The following LENG1 variants were observed in gnomAD, a reference collection of about 807,000 sequenced individuals.
LENG1 encodes the protein leukocyte receptor cluster (LRC) member 1.
LENG1 carries 35 observed loss-of-function variants against 28.8 expected under a neutral mutation model. The observed-to-expected ratio is 1.22, with a 90% confidence interval of 0.93 to 1.61. LENG1 has a LOEUF of 1.61. Among genes scored for constraint, LENG1 ranks in the 40% most tolerant of loss-of-function variants. The probability of loss-of-function intolerance (pLI) is 0.00; values close to 1 mark genes in which losing one functional copy is unlikely to be tolerated. For synonymous variants in LENG1, 170 were observed against 140.6 expected, an observed-to-expected ratio of 1.21 and a Z score of -1.48; for missense variants, 404 against 348.9, an observed-to-expected ratio of 1.16 and a Z score of -1.26.
Position 54,159,697 on chromosome 19 carries a change from G to A in LENG1, c.-2C>T, listed in dbSNP as rs1424620830. 1.2e-5 allele frequency: 19 copies of A among 1,606,234 alleles called. No homozygotes were observed. The highest frequency in any genetic ancestry group is 1.7e-5 in the Admixed American group (1 of 59,342). On this transcript the variant is annotated 5_prime_UTR_variant, in exon 1 of 4. Coordinates refer to ENST00000222224, the MANE Select transcript of LENG1 (RefSeq NM_024316.3). ...GCTCTTCTTGGGCAAGATATTCATG[G>A]CGTCGTAGCTGTCCAGGGACTGGCA...
chr19:54,156,052 C>T (rs2075379450), intron 3 of LENG1, 112 bp from the exon 4 acceptor site: 2 of 929,646 alleles, frequency 2.2e-6, no homozygotes, highest in Non-Finnish European at 1.6e-6. Context: ...CCAGCACACC[C>T]CAGCCTCAGC....
At chr19:54,158,692 T>C (rs1347665834) in intron 1 of LENG1, among the ~76,000 whole-genome samples, 1 of 152,140 alleles carries the variant, frequency 6.6e-6, no homozygotes, top group Non-Finnish European at 1.5e-5. Context: ...TCATCAAGGA[T>C]GTATGGGAGG....
Position 54,156,955 on chromosome 19 carries a change from G to T in LENG1, c.383C>A (p.Pro128His). 2 of 1,610,640 alleles carry T rather than the reference G, an allele frequency of 1.2e-6. No homozygotes were observed. Among genetic ancestry groups the T allele is most frequent in the Non-Finnish European group, 1.7e-6 (2 of 1,177,888 alleles). ...CCCTGGGGGTAGCTGGTACCAAGGG[G>T]GTTGAGTCTGTGCCTCCGCTGCACT... ...GQSAAEAQTQPPWYQLPPGRG... is the reference protein window; with the variant it reads ...GQSAAEAQTQHPWYQLPPGRG... The change falls in exon 3 of 4, where the codon CCC (proline) becomes CAC (histidine). Residue 128 changes from proline (P) to histidine (H), a missense_variant. Physicochemically the swap from Pro to His is moderately conservative, Grantham distance 77 (BLOSUM62 -2). Transcript: ENST00000222224.
In LENG1 at chr19:54,156,823, C is replaced by T; in HGVS notation, c.515G>A (p.Gly172Asp). ...CTTTCTGCTGCGACTGCCTTCATCA[C>T]CGCCGTGCTGTCTCTTCTTCCCCAG... ...KHLGKKRQHG[G>D]DEGSRSRKEK... Residue 172 changes from glycine to aspartate, a missense_variant, in exon 3 of 4, where the codon GGT becomes GAT. Transcript: ENST00000222224. 6.2e-7 allele frequency: 1 copy of T among 1,614,116 alleles called. No individual in the cohort carries two copies.
intron 3 of LENG1, 33 bp downstream of exon 3, chr19:54,156,730 G>C: frequency 6.3e-7 from 1 of 1,579,122 alleles, no homozygotes; most frequent in Non-Finnish European, 8.6e-7. Flanking sequence ...CTGAAGGTCT[G>C]GGCCCTGGTC....
chr19:54,156,640 C>T (rs1006594802), intron 3 of LENG1, 123 bp downstream of exon 3: 4 of 1,040,872 alleles, frequency 3.8e-6, no homozygotes, highest in Admixed American at 2.5e-5. Flanking sequence ...ACCACTTCTC[C>T]ACCTAGCCAG....
chr19:54,156,167 T>G (rs549829778), intron 3 of LENG1, among the ~76,000 whole-genome samples: 1 of 152,320 alleles, frequency 6.6e-6, no homozygotes, highest in Non-Finnish European at 1.5e-5. Flanking sequence ...TAAAATCTGA[T>G]GCTTCTCCAG....
intron 1 of LENG1, 114 bp downstream of exon 1, chr19:54,159,450 C>T: frequency 1.7e-6 from 2 of 1,185,622 alleles, no homozygotes; most frequent in South Asian, 1.6e-5. Flanking sequence ...GGCGCCTGGT[C>T]CCGAATTTCA....
rs1391924349 is a variant in LENG1 at position 54,155,163 on chromosome 19, A to G, written c.*558T>C. ...CCTACCCAAGAAGAACCTTGTGAGGATGGATGAGAGTGTGTGCGTGCAGGG... is the reference window on the plus strand; with the variant it reads ...CCTACCCAAGAAGAACCTTGTGAGGGTGGATGAGAGTGTGTGCGTGCAGGG... On this transcript the variant is annotated 3_prime_UTR_variant, in exon 4 of 4. Transcript: ENST00000222224. 8 of 812,862 alleles carry G rather than the reference A, an allele frequency of 9.8e-6. No homozygotes were observed. The African/African-American group carries it at 1.2e-4, about 13-fold the overall frequency. 50.4% of individuals were successfully genotyped at this position (812,862 alleles called of 1,614,324 possible). A position where few individuals can be genotyped will look rare whatever the true frequency, so the allele number is the denominator to read the frequency against.
intron 2 of LENG1, among the ~76,000 whole-genome samples, 183 bp from the exon 3 acceptor site, chr19:54,157,208 G>T (rs2075410143): frequency 6.6e-6 from 1 of 152,158 alleles, no homozygotes; most frequent in African/African-American, 2.4e-5. Flanking sequence ...AGCAGGTACA[G>T]TAACAGCAGG....
At chr19:54,159,162 T>C (rs557075661) in intron 1 of LENG1, among the ~76,000 whole-genome samples, 14 of 152,312 alleles carry the variant, frequency 9.2e-5, no homozygotes, top group African/African-American at 2.4e-4. Flanking sequence ...ACAGTGCTTA[T>C]TGGGGATTCC....
At position 54,155,816 on chromosome 19, in the gene LENG1, C is replaced by T; in HGVS notation, c.700G>A (p.Asp234Asn). The change falls in exon 4 of 4, where the codon GAC becomes AAC. Residue 234 changes from aspartate to asparagine, a missense_variant. Coordinates refer to ENST00000222224, the MANE Select transcript of LENG1 (RefSeq NM_024316.3). ...RALQEGQPEE[D>N]ETDDRRRRYN... The stretch of plus-strand genomic sequence containing the variant: ...CGCCGCCGCCGGTCATCCGTCTCGT[C>T]TTCTTCCGGCTGACCCTCCTGTAGT... 2 of 1,612,548 alleles carry T rather than the reference C, an allele frequency of 1.2e-6. No individual in the cohort carries two copies. The highest frequency in any genetic ancestry group is 1.7e-5 in the Admixed American group (1 of 59,938).
intron 3 of LENG1, among the ~76,000 whole-genome samples, chr19:54,156,256 C>G (rs1255671847): frequency 6.6e-6 from 1 of 152,200 alleles, no homozygotes; most frequent in East Asian, 1.9e-4. Flanking sequence ...CAGTGTACCC[C>G]CTCTAGACCA....
chr19:54,155,543 C>T lies in LENG1; in HGVS notation c.*178G>A. On this transcript the variant is annotated 3_prime_UTR_variant, in exon 4 of 4. Transcript: ENST00000222224. ...CCTCTCCCAGGAAGCAGGGAGGGGG[C>T]CGGGAGGTTTTCCTCTCAGCCCCAC... 1 of 910,122 alleles carries T rather than the reference C, an allele frequency of 1.1e-6. No homozygotes were observed. The highest frequency in any genetic ancestry group is 1.6e-6 in the Non-Finnish European group (1 of 610,184). The allele number at this position is 910,122 out of a possible 1,614,324, so 56.4% of individuals were successfully genotyped here. A position where few individuals can be genotyped will look rare whatever the true frequency, so the allele number is the denominator to read the frequency against.
In LENG1 at chr19:54,155,874, T is replaced by C. The variant is rs762361397; in HGVS notation, c.642A>G (p.Ala214=). The change falls in exon 4 of 4, where the codon GCA becomes GCG. Residue 214 remains alanine, a synonymous_variant. Coordinates refer to ENST00000222224, the MANE Select transcript of LENG1 (RefSeq NM_024316.3). ...LRREAAERSR[A]EALLARVQGR... ...CTTGGACCCGGGCCAGCAGGGCCTC[T>C]GCCCGAGACCTCTCAGCTGCTTCCC... 1.1e-5 allele frequency: 18 copies of C among 1,612,938 alleles called. No individual in the cohort carries two copies. The highest frequency in any genetic ancestry group is 4.4e-5 in the South Asian group (4 of 90,844).
Position 54,158,393 on chromosome 19 carries a change from C to A in LENG1, c.201G>T (p.Glu67Asp), listed in dbSNP as rs1054832542. 6.2e-7 allele frequency: 1 copy of A among 1,614,260 alleles called. No individual in the cohort carries two copies. Among genetic ancestry groups the A allele is most frequent in the Admixed American group, 1.7e-5 (1 of 60,032 alleles). Reference protein sequence around the residue: ...QNSLPELEAAEAGAPGSGPVD... With the variant: ...QNSLPELEAADAGAPGSGPVD... ...CAGGGCCAGAACCTGGGGCTCCCGC[C>A]TCTGCTGCTTCAAGCTCAGGCAGTG... Residue 67 changes from glutamate (E) to aspartate (D), a missense_variant, in exon 2 of 4, where the codon GAG (glutamate) becomes GAT (aspartate). Physicochemically the swap from Glu to Asp is conservative, Grantham distance 45. Transcript: ENST00000222224.
At position 54,157,016 on chromosome 19, in the gene LENG1, C is replaced by G; in HGVS notation, c.322G>C (p.Glu108Gln). The change falls in exon 3 of 4, where the codon GAG becomes CAG. Residue 108 changes from glutamate to glutamine, a missense_variant. Transcript: ENST00000222224. The stretch of plus-strand genomic sequence containing the variant: ...TATGTCAGGATGCCCAGAGCTTTCT[C>G]TTGCCTCTCCTGAGGGGGCCAGGAA... Reference protein sequence around the residue: ...EEKRQEKERQEKALGILTYLG... With the variant: ...EEKRQEKERQQKALGILTYLG... 1 of 1,540,952 alleles carries G rather than the reference C, an allele frequency of 6.5e-7. No homozygotes were observed. Among genetic ancestry groups the G allele is most frequent in the Non-Finnish European group, 8.7e-7 (1 of 1,143,368 alleles).
chr19:54,155,583 G>A lies in LENG1; in HGVS notation c.*138C>T, dbSNP rs2075360654. On this transcript the variant is annotated 3_prime_UTR_variant, in exon 4 of 4. Transcript: ENST00000222224. ...CTCAGCCCCACCCTGGGGGCCCGGG[G>A]GCGAGGGCTGCCCCCTCCTCCCCTC... is the stretch of plus-strand genomic sequence containing the variant. The A allele has an allele frequency of 9.7e-7, 1 of 1,027,002 alleles. No homozygotes were observed. 63.6% of individuals were successfully genotyped at this position (1,027,002 alleles called of 1,614,324 possible).
rs565613880 is a variant in LENG1, at chr19:54,155,206, G to A, written c.*515C>T. 4.5e-5 allele frequency: 65 copies of A among 1,453,884 alleles called. No homozygotes were observed. The African/African-American group carries it at 7.6e-4, about 17-fold the overall frequency. The allele number at this position is 1,453,884 out of a possible 1,614,324, so 90.1% of individuals were successfully genotyped here. A position where few individuals can be genotyped will look rare whatever the true frequency, so the allele number is the denominator to read the frequency against. ...GTGCAGGGCAGCTGGCCCGGTGCCTGACACATCCACAGCCCTAAGAATTGT... is the reference window on the plus strand; with the variant it reads ...GTGCAGGGCAGCTGGCCCGGTGCCTAACACATCCACAGCCCTAAGAATTGT... On this transcript the variant is annotated 3_prime_UTR_variant, in exon 4 of 4. Transcript: ENST00000222224.
Sources: allele counts gnomAD v4.1 joint callset (sites outside exome capture counted in the v4.1 genomes callset), GRCh38; gene constraint gnomAD v4.1.1; transcripts MANE v1.5; gene names NCBI Gene and HGNC (gene_info 2026-07-23, HGNC 2026-07-21).